The following ARHGAP32 variants were observed in gnomAD, a reference collection of about 807,000 sequenced individuals.
The protein encoded by ARHGAP32 is rho GTPase-activating protein 32.
In ARHGAP32, 51 loss-of-function variants were observed where a neutral mutation model predicts 186.5. The ratio of observed to expected loss-of-function variants is 0.27; its 90% CI spans 0.22 to 0.35. The LOEUF (loss-of-function observed/expected upper bound fraction) is 0.35, where lower values mean the gene tolerates loss of function less well. Ranked by LOEUF, ARHGAP32 falls within the 10% of genes least tolerant of loss-of-function variation. ARHGAP32 has a pLI of 1.00. For missense variants in ARHGAP32, 2,186 were observed against 2,623.5 expected (o/e 0.83, Z 3.64); for synonymous variants, 950 against 964.3 (o/e 0.99, Z 0.27).
At chr11:128,992,786 T>TCAAAA (rs1019593284) in intron 12 of ARHGAP32, among the ~76,000 whole-genome samples, 22 of 152,052 alleles carry the variant, frequency 1.4e-4, no homozygotes, top group Non-Finnish European at 2.8e-4. Context: ...AAACTCCGTA[T>TCAAAA]CAAAACAAAA....
At position 129,136,571 on chromosome 11, in the gene ARHGAP32, T is replaced by C. The variant is rs1388312103; in HGVS notation, c.226-11677A>G. On this transcript the variant is annotated intron_variant, in intron 2 of 22. Coordinates refer to ENST00000682385, the MANE Select transcript of ARHGAP32 (RefSeq NM_001378024.1). ...AAGGAAGTGGAAAATTATAGGCTAA[T>C]CTCATTAAACACAAATGCAAAAAAC... 2.0e-5 allele frequency among the ~76,000 whole-genome samples: 3 copies of C among 152,210 alleles called. No homozygotes were observed. The East Asian group carries it at 5.8e-4, about 29-fold the overall frequency.
At chr11:129,013,493 C>T (rs1367799041) in intron 11 of ARHGAP32, among the ~76,000 whole-genome samples, 20 of 152,176 alleles carry the variant, frequency 1.3e-4, no homozygotes, top group Non-Finnish European at 2.1e-4. Flanking sequence ...AAACTATGTT[C>T]TGCATAGTTT....
In ARHGAP32 at chr11:129,057,664, C is replaced by T. The variant is rs1252303461; in HGVS notation, c.963+4616G>A. On this transcript the variant is annotated intron_variant, in intron 10 of 22. Coordinates refer to ENST00000682385, the MANE Select transcript of ARHGAP32 (RefSeq NM_001378024.1). ...GCCTGCCCTCCATATATGAGGGTTT[C>T]ACATCCCACAAATACTGTATTTTCA... is the stretch of plus-strand genomic sequence containing the variant. 2.0e-5 allele frequency among the ~76,000 whole-genome samples: 3 copies of T among 146,916 alleles called. No individual in the cohort carries two copies. The East Asian group carries it at 6.0e-4, about 29-fold the overall frequency.
At chr11:129,041,998 T>C (rs994751766) in intron 10 of ARHGAP32, among the ~76,000 whole-genome samples, 2 of 152,248 alleles carry the variant, frequency 1.3e-5, no homozygotes, top group African/African-American at 4.8e-5. Context: ...TTCTGAGCTG[T>C]ATAATTTCCA....
At chr11:129,244,572 G>C (rs935658183) in intron 1 of ARHGAP32, among the ~76,000 whole-genome samples, 8 of 152,048 alleles carry the variant, frequency 5.3e-5, no homozygotes, top group East Asian at 1.9e-4. Flanking sequence ...AAAAGCAATG[G>C]CAACAAAAGA....
upstream of ARHGAP32, among the ~76,000 whole-genome samples, chr11:129,193,669 TATATA>T (rs1263001327): frequency 2.3e-5 from 1 of 43,330 alleles, no homozygotes; most frequent in Non-Finnish European, 4.3e-5. Context: ...ATATATATTA[TATATA>T]ATATATAATA....
Position 128,973,036 on chromosome 11 carries a change from T to G in ARHGAP32, c.3470A>C (p.His1157Pro), listed in dbSNP as rs746371048. ...CTGATTCCCTGTTAAGTCTACTTGG[T>G]GATGTTGCTCCCCAGATTCAGTTGT... Reference protein sequence around the residue: ...SNTTESGEQHHQVDLTGNQPH... With the variant: ...SNTTESGEQHPQVDLTGNQPH... The change falls in exon 22 of 23, where the codon CAC (histidine) becomes CCC (proline). Residue 1157 changes from histidine to proline, a missense_variant. His to Pro is a moderately conservative substitution (Grantham distance 77, BLOSUM62 -2). Around this residue, in one of 5 missense-constraint regions of ARHGAP32, gnomAD observed 1,502 missense variants for 1,570.0 expected, o/e 0.96. Coordinates refer to ENST00000682385, the MANE Select transcript of ARHGAP32 (RefSeq NM_001378024.1). 1.2e-6 allele frequency: 2 copies of G among 1,614,144 alleles called. No homozygotes were observed. Among genetic ancestry groups the G allele is most frequent in the Admixed American group, 3.3e-5 (2 of 60,018 alleles).
chr11:129,193,503 T>G (rs1944310709), upstream of ARHGAP32, among the ~76,000 whole-genome samples: 1 of 91,048 alleles, frequency 1.1e-5, no homozygotes, highest in African/African-American at 4.3e-5. Context: ...AAAAAAAATA[T>G]ATATATATGC....
intron 1 of ARHGAP32, among the ~76,000 whole-genome samples, chr11:129,276,649 A>G (rs1353075006): frequency 6.6e-6 from 1 of 152,194 alleles, no homozygotes. Context: ...CATTTAAAAG[A>G]GTTTGCTAGG....
intron 12 of ARHGAP32, among the ~76,000 whole-genome samples, chr11:128,997,590 C>T (rs947930875): frequency 8.5e-5 from 13 of 152,290 alleles, no homozygotes; most frequent in Admixed American, 4.6e-4. Flanking sequence ...GAGGAAAGTG[C>T]TATTTTTAAA....
At chr11:129,034,895 A>C (rs1381384033) in intron 11 of ARHGAP32, among the ~76,000 whole-genome samples, 2 of 151,970 alleles carry the variant, frequency 1.3e-5, no homozygotes, top group East Asian at 3.8e-4. Flanking sequence ...CTGTGAGACA[A>C]TATCAAATAA....
chr11:129,129,612 A>C (rs1306227588), intron 2 of ARHGAP32, among the ~76,000 whole-genome samples: 2 of 152,246 alleles, frequency 1.3e-5, no homozygotes, highest in Admixed American at 1.3e-4. Context: ...TATGGGGAAA[A>C]GAAAGAGAGA....
chr11:129,077,832 T>A (rs1030421071), intron 6 of ARHGAP32, among the ~76,000 whole-genome samples: 4 of 152,144 alleles, frequency 2.6e-5, no homozygotes, highest in Non-Finnish European at 5.9e-5. Flanking sequence ...CCACAGCTGA[T>A]GCTCTTCAAA....
chr11:129,071,966 C>A (rs772799922), intron 6 of ARHGAP32, among the ~76,000 whole-genome samples: 8 of 152,150 alleles, frequency 5.3e-5, no homozygotes, highest in Admixed American at 3.3e-4. Flanking sequence ...CAAAAAAAGA[C>A]AAACATCACA....
Position 128,974,836 on chromosome 11 carries a change from C to T in ARHGAP32, c.2361G>A (p.Met787Ile), listed in dbSNP as rs779750756. Residue 787 changes from methionine (M) to isoleucine (I), a missense_variant, in exon 21 of 23, where the codon ATG becomes ATA. Around this residue, in one of 5 missense-constraint regions of ARHGAP32, gnomAD observed 263 missense variants for 323.5 expected, o/e 0.81. Transcript: ENST00000682385. The stretch of plus-strand genomic sequence containing the variant: ...CAACATCCTCAGCTGAATGAGGAGA[C>T]ATAAGGGCTGGGATATGAAGCAGCC... The part of the protein sequence containing the change: ...EGGLLHIPAL[M>I]SPHSAEDVDL... The T allele has an allele frequency of 2.5e-6, 4 of 1,614,002 alleles. No individual in the cohort carries two copies. Among genetic ancestry groups the T allele is most frequent in the Non-Finnish European group, 2.5e-6 (3 of 1,180,006 alleles).
chr11:129,201,857 T>A (rs568905526), intron 1 of ARHGAP32, among the ~76,000 whole-genome samples: 1 of 152,094 alleles, frequency 6.6e-6, no homozygotes, highest in African/African-American at 2.4e-5. Flanking sequence ...GTGATGCACA[T>A]CTGTAGACCC....
intron 10 of ARHGAP32, among the ~76,000 whole-genome samples, chr11:129,059,923 G>A (rs976224705): frequency 5.3e-5 from 8 of 152,124 alleles, no homozygotes; most frequent in African/African-American, 1.7e-4. Flanking sequence ...AGATACGATT[G>A]CCTTTCTAAG....
chr11:129,104,231 G>A (rs557240567), intron 5 of ARHGAP32, among the ~76,000 whole-genome samples: 2 of 152,054 alleles, frequency 1.3e-5, no homozygotes, highest in African/African-American at 4.8e-5. Flanking sequence ...TGAGAAGTAA[G>A]GTAGAAATAT....
chr11:129,161,990 T>C (rs187302250), intron 2 of ARHGAP32, among the ~76,000 whole-genome samples: 270 of 152,318 alleles, frequency 1.8e-3, no homozygotes, highest in African/African-American at 6.0e-3. Context: ...GTTCTTGTCC[T>C]TTGCAGGGAC....
Sources: gnomAD v4.1 joint callset for allele counts (sites outside exome capture counted in the v4.1 genomes callset) on GRCh38, gnomAD v4.1.1 for gene constraint, gnomAD v4.1.1 regional missense constraint, MANE v1.5 for transcripts, NCBI Gene and HGNC (gene_info 2026-07-23, HGNC 2026-07-21) for gene names.